The following SORCS2 variants were observed in gnomAD, a reference collection of about 807,000 sequenced individuals.
SORCS2 encodes the protein VPS10 domain-containing receptor SorCS2.
Under a neutral mutation model 141.6 loss-of-function variants are expected in SORCS2, and 100 were observed. That is an observed-to-expected ratio of 0.71 (90% CI 0.60 to 0.83). The LOEUF (loss-of-function observed/expected upper bound fraction) is 0.83, where lower values mean the gene tolerates loss of function less well. Ranked by LOEUF, SORCS2 falls within the 40% of genes least tolerant of loss-of-function variation. The pLI, the probability that SORCS2 is intolerant of heterozygous loss-of-function variation, is 0.00. For synonymous variants in SORCS2, 789 were observed against 676.9 expected (o/e 1.17, Z -2.57); for missense variants, 1,646 against 1,560.2 (o/e 1.05, Z -0.93).
At chr4:7,734,238 C>G in intron 24 of SORCS2, 34 bp from the exon 25 acceptor site, 2 of 1,519,346 alleles carry the variant, frequency 1.3e-6, no homozygotes, top group Non-Finnish European at 8.9e-7. Flanking sequence ...GGGCGGTGCC[C>G]GAGGTCCTCC....
chr4:7,392,501 G>A (rs577443469), intron 1 of SORCS2, among the ~76,000 whole-genome samples: 46 of 152,242 alleles, frequency 3.0e-4, no homozygotes, highest in African/African-American at 9.1e-4. Context: ...GGATTTTTCC[G>A]CTCTGTGCTG....
chr4:7,384,410 GT>G (rs1723165511), intron 1 of SORCS2, among the ~76,000 whole-genome samples: 1 of 152,128 alleles, frequency 6.6e-6, no homozygotes, highest in Admixed American at 6.5e-5. Context: ...GGCATCTTGG[GT>G]GAGGCATCCT....
chr4:7,304,214 C>T (rs547907013), intron 1 of SORCS2, among the ~76,000 whole-genome samples: 254 of 152,294 alleles, frequency 1.7e-3, no homozygotes, highest in African/African-American at 5.4e-3. Flanking sequence ...GCCTGGGGGT[C>T]GGGGAGACAG....
At chr4:7,267,247 C>T (rs1489509349) in intron 1 of SORCS2, among the ~76,000 whole-genome samples, 2 of 152,206 alleles carry the variant, frequency 1.3e-5, no homozygotes, top group African/African-American at 4.8e-5. Flanking sequence ...ATAACTACTT[C>T]TTCCCTGTTT....
chr4:7,697,623 G>A (rs1362816322), intron 12 of SORCS2, among the ~76,000 whole-genome samples: 4 of 152,180 alleles, frequency 2.6e-5, no homozygotes, highest in Admixed American at 2.6e-4. Context: ...CAGGGAGGAG[G>A]TCCCAGCCAG....
chr4:7,551,461 T>G (rs1054808159), intron 3 of SORCS2, among the ~76,000 whole-genome samples: 3 of 152,328 alleles, frequency 2.0e-5, no homozygotes, highest in East Asian at 3.9e-4. Flanking sequence ...CCACATCGGC[T>G]GTGCATGCTG....
chr4:7,695,940 G>GTAGATGGA (rs1553905647), intron 11 of SORCS2, among the ~76,000 whole-genome samples: 1 of 88,526 alleles, frequency 1.1e-5, no homozygotes, highest in Admixed American at 1.1e-4. Context: ...GGGTGGGTGG[G>GTAGATGGA]TGGATGGATG....
chr4:7,405,664 A>G (rs1724919043), intron 2 of SORCS2, among the ~76,000 whole-genome samples: 2 of 152,108 alleles, frequency 1.3e-5, no homozygotes, highest in African/African-American at 4.8e-5. Flanking sequence ...GTATAAAGAA[A>G]CACTGCTGAT....
intron 1 of SORCS2, among the ~76,000 whole-genome samples, chr4:7,352,523 T>C (rs1052086682): frequency 6.6e-5 from 10 of 152,308 alleles, no homozygotes; most frequent in Middle Eastern, 3.4e-3. Context: ...GCAGGAGGTC[T>C]TTCTTGGGCT....
intron 2 of SORCS2, among the ~76,000 whole-genome samples, chr4:7,437,505 G>A (rs768555142): frequency 6.6e-5 from 10 of 152,072 alleles, no homozygotes; most frequent in Non-Finnish European, 1.3e-4. Context: ...CCAGGGGGTG[G>A]GGCTGGAAGT....
At chr4:7,604,833 T>A (rs926473810) in intron 3 of SORCS2, among the ~76,000 whole-genome samples, 4 of 152,328 alleles carry the variant, frequency 2.6e-5, no homozygotes, top group Admixed American at 1.3e-4. Context: ...CAGTTCATCC[T>A]TACAACAAAG....
At chr4:7,216,711 GC>G (rs1728374041) in intron 1 of SORCS2, among the ~76,000 whole-genome samples, 1 of 151,976 alleles carries the variant, frequency 6.6e-6, no homozygotes. Context: ...TGACTTTAGG[GC>G]CACCAGACAA....
chr4:7,366,467 G>A (rs550955953), intron 1 of SORCS2, among the ~76,000 whole-genome samples: 124 of 12,818 alleles, frequency 9.7e-3, no homozygotes, highest in African/African-American at 0.012. Context: ...CCCCTTTAGC[G>A]TGCCCCTCCC....
intron 1 of SORCS2, among the ~76,000 whole-genome samples, chr4:7,196,596 G>A (rs1727177898): frequency 6.6e-6 from 1 of 151,684 alleles, no homozygotes; most frequent in Non-Finnish European, 1.5e-5. Context: ...GAGAAGATCA[G>A]CACCTCCCTC....
chr4:7,512,854 A>G (rs1181379874), intron 2 of SORCS2, among the ~76,000 whole-genome samples: 1 of 152,062 alleles, frequency 6.6e-6, no homozygotes, highest in Admixed American at 6.5e-5. Context: ...TGCGGAGGGC[A>G]GCTTCCTTCC....
At chr4:7,275,463 C>G (rs1366534740) in intron 1 of SORCS2, among the ~76,000 whole-genome samples, 1 of 152,142 alleles carries the variant, frequency 6.6e-6, no homozygotes, top group Non-Finnish European at 1.5e-5. Flanking sequence ...CGTGTCTGCT[C>G]TGCGATGTTG....
At chr4:7,194,122 T>G (rs1577261440) in intron 1 of SORCS2, among the ~76,000 whole-genome samples, 1 of 151,524 alleles carries the variant, frequency 6.6e-6, no homozygotes, top group African/African-American at 2.4e-5. Context: ...GATAGGGAGG[T>G]GGCAGCCATG....
intron 1 of SORCS2, among the ~76,000 whole-genome samples, chr4:7,199,879 C>T (rs544667293): frequency 3.9e-4 from 60 of 152,192 alleles, no homozygotes; most frequent in African/African-American, 1.4e-3. Context: ...AATCAGTTCA[C>T]CTGACCTAAG....
intron 2 of SORCS2, among the ~76,000 whole-genome samples, chr4:7,461,169 TA>T (rs1188088610): frequency 9.2e-6 from 1 of 108,294 alleles, no homozygotes; most frequent in Non-Finnish European, 2.1e-5. Context: ...CTCCCCAAAT[TA>T]AATTATTCAT....
Sources: gnomAD v4.1 joint callset for allele counts (sites outside exome capture counted in the v4.1 genomes callset) on GRCh38, gnomAD v4.1.1 for gene constraint, MANE v1.5 for transcripts, NCBI Gene and HGNC (gene_info 2026-07-23, HGNC 2026-07-21) for gene names.